Variants in FSTL4 observed in about 807,000 individuals in gnomAD.
FSTL4 encodes follistatin-related protein 4.
In FSTL4, 28 loss-of-function variants were observed where a neutral mutation model predicts 78.2. That is an observed-to-expected ratio of 0.36 (90% confidence interval 0.27 to 0.49). The LOEUF (loss-of-function observed/expected upper bound fraction) is 0.49, where lower values mean the gene tolerates loss of function less well. Ranked by LOEUF, FSTL4 falls within the 20% of genes least tolerant of loss-of-function variation. FSTL4 has a pLI of 0.98. For synonymous variants in FSTL4, 422 were observed against 440.5 expected, an observed-to-expected ratio of 0.96 and a Z score of 0.53; for missense variants, 922 against 1,084.9, an observed-to-expected ratio of 0.85 and a Z score of 2.11.
intron 6 of FSTL4, among the ~76,000 whole-genome samples, chr5:133,278,851 T>G (rs903591969): frequency 3.9e-5 from 6 of 152,156 alleles, no homozygotes; most frequent in African/African-American, 1.4e-4. Flanking sequence ...GACAATCTGA[T>G]CCCCTGCTCC....
chr5:133,723,930 A>G, the FSTL4 span, among the ~76,000 whole-genome samples: 1 of 152,324 alleles, frequency 6.6e-6, no homozygotes, highest in South Asian at 2.1e-4. Flanking sequence ...GGGTTAGGGC[A>G]TAGCAGCAGC....
In FSTL4 at chr5:133,338,021, G is replaced by C. The variant is rs1754502278; in HGVS notation, c.410-21369C>G. 1.3e-5 allele frequency among the ~76,000 whole-genome samples: 2 copies of C among 152,196 alleles called. No homozygotes were observed. Among genetic ancestry groups the C allele is most frequent in the Admixed American group, 1.3e-4 (2 of 15,272 alleles). On this transcript the variant is annotated intron_variant, in intron 4 of 15. Coordinates refer to ENST00000265342, the MANE Select transcript of FSTL4 (RefSeq NM_015082.2). The surrounding 1 kb of genome is among the most constrained non-coding windows in gnomAD (Gnocchi z 4.0). ...TGGGTGGTGAGTATGCGTGCGGAGG[G>C]CTTCTGGCAGGAGAGCTCCAGGGGT... is the stretch of plus-strand genomic sequence containing the variant.
At chr5:133,615,708 G>A (rs1193609024), upstream of FSTL4, among the ~76,000 whole-genome samples, 5 of 152,212 alleles carry the variant, frequency 3.3e-5, no homozygotes, top group African/African-American at 7.2e-5. Flanking sequence ...TTAAGGGAAT[G>A]TAGGCAGTAA....
intron 1 of FSTL4, among the ~76,000 whole-genome samples, chr5:133,604,361 C>T (rs917165201): frequency 2.6e-5 from 4 of 152,114 alleles, no homozygotes; most frequent in East Asian, 1.9e-4. Flanking sequence ...TATAGCCACG[C>T]CTTAGTTTCC....
At chr5:133,750,849 C>T in the FSTL4 span, among the ~76,000 whole-genome samples, 1 of 152,142 alleles carries the variant, frequency 6.6e-6, no homozygotes, top group African/African-American at 2.4e-5. Flanking sequence ...TGCCCTCTGC[C>T]TGCCACACGT....
In FSTL4 at chr5:133,400,951, C is replaced by T. The variant is rs199881172; in HGVS notation, c.196G>A (p.Gly66Arg). ...CTCCCTCGGCTGCAGAACTTCTTCC[C>T]GCAGGAGGCCAGCAGCTCGTTGTGG... ...SSHNELLASC[G>R]KKFCSRGSRC... Residue 66 changes from glycine (G) to arginine (R), a missense_variant, in exon 4 of 16, where the codon GGG (glycine) becomes AGG (arginine). Transcript: ENST00000265342. 258 of 1,613,168 alleles carry T rather than the reference C, an allele frequency of 1.6e-4. 1 individual carries two copies. Among genetic ancestry groups the T allele is most frequent in the South Asian group, 1.5e-4 (14 of 91,092 alleles).
chr5:133,302,207 T>G (rs1753558553), intron 6 of FSTL4, among the ~76,000 whole-genome samples: 1 of 152,124 alleles, frequency 6.6e-6, no homozygotes, highest in African/African-American at 2.4e-5. Context: ...CTCGGGGCTC[T>G]GAACATATGG....
At chr5:133,286,431 C>T (rs1451832570) in intron 6 of FSTL4, among the ~76,000 whole-genome samples, 1 of 152,218 alleles carries the variant, frequency 6.6e-6, no homozygotes, top group East Asian at 1.9e-4. Flanking sequence ...CTAACTTTTT[C>T]TGAAGAGATC....
chr5:133,659,719 A>G, the FSTL4 span, among the ~76,000 whole-genome samples: 3,444 of 151,744 alleles, frequency 0.023, 141 homozygotes, highest in African/African-American at 0.078. Context: ...TATTAAATAG[A>G]TGGGATTTTC....
chr5:133,800,415 C>T, the FSTL4 span, among the ~76,000 whole-genome samples: 6 of 138,652 alleles, frequency 4.3e-5, no homozygotes, highest in African/African-American at 1.6e-4. Flanking sequence ...AACACACTAA[C>T]ACTAACGATA....
intron 2 of FSTL4, among the ~76,000 whole-genome samples, chr5:133,572,393 T>C (rs1760177658): frequency 6.6e-6 from 1 of 152,114 alleles, no homozygotes; most frequent in Non-Finnish European, 1.5e-5. Flanking sequence ...ACCCACCATC[T>C]TTAAAATTTG....
intron 13 of FSTL4, among the ~76,000 whole-genome samples, chr5:133,214,112 T>C (rs1405028480): frequency 6.6e-6 from 1 of 152,230 alleles, no homozygotes; most frequent in African/African-American, 2.4e-5. Flanking sequence ...TCTCTGCAGC[T>C]GATGGACTAA....
chr5:133,552,188 C>T (rs921232357), intron 3 of FSTL4, among the ~76,000 whole-genome samples: 5 of 152,196 alleles, frequency 3.3e-5, no homozygotes, highest in African/African-American at 1.2e-4. Flanking sequence ...TCTGACTCTA[C>T]TGGTCCATAA....
At chr5:133,240,922 T>G (rs1369513604) in intron 7 of FSTL4, among the ~76,000 whole-genome samples, 1 of 152,200 alleles carries the variant, frequency 6.6e-6, no homozygotes, top group African/African-American at 2.4e-5. Flanking sequence ...ATGTCATGCC[T>G]CATAGGGGTC....
intron 3 of FSTL4, among the ~76,000 whole-genome samples, chr5:133,535,988 T>C (rs1262754340): frequency 2.0e-5 from 3 of 152,214 alleles, no homozygotes; most frequent in Admixed American, 2.0e-4. Flanking sequence ...GACAATGCCT[T>C]GTTCATCTTT....
the FSTL4 span, among the ~76,000 whole-genome samples, chr5:133,776,896 C>T: frequency 6.6e-6 from 1 of 152,280 alleles, no homozygotes; most frequent in East Asian, 1.9e-4. Context: ...AAAGGTCCCA[C>T]TGACTTGGCT....
At chr5:133,748,256 T>G in the FSTL4 span, among the ~76,000 whole-genome samples, 2 of 151,026 alleles carry the variant, frequency 1.3e-5, no homozygotes, top group South Asian at 4.2e-4. Context: ...CCTGCCCTTG[T>G]GAAGTCGCTG....
chr5:133,534,598 A>T (rs1460285683), intron 3 of FSTL4, among the ~76,000 whole-genome samples: 2 of 152,234 alleles, frequency 1.3e-5, no homozygotes, highest in Non-Finnish European at 2.9e-5. Context: ...TCAGAAGAAT[A>T]ATGTGGTTGA....
chr5:133,607,492 G>A lies in FSTL4; in HGVS notation c.-10-3499C>T, dbSNP rs568654160. 5.9e-5 allele frequency among the ~76,000 whole-genome samples: 9 copies of A among 152,280 alleles called. No individual in the cohort carries two copies. The East Asian group carries it at 1.7e-3, about 29-fold the overall frequency. ...GATTATCCCTCAATCAGATGAAAGA[G>A]GAGATGGGGTCACAGAGAGGTTAAG... On this transcript the variant is annotated intron_variant, in intron 1 of 15. Transcript: ENST00000265342.
Sources: gnomAD v4.1 joint callset for allele counts (sites outside exome capture counted in the v4.1 genomes callset) on GRCh38, gnomAD v4.1.1 for gene constraint, Gnocchi (gnomAD v3.1) non-coding constraint, MANE v1.5 for transcripts, NCBI Gene and HGNC (gene_info 2026-07-23, HGNC 2026-07-21) for gene names.